PGM5: variants seen among roughly 807,000 people sequenced by gnomAD.
PGM5 encodes the protein phosphoglucomutase 5.
PGM5 carries 23 observed loss-of-function variants against 59.2 expected under a neutral mutation model. The observed-to-expected ratio is 0.39, with a 90% CI of 0.28 to 0.55. PGM5 has a LOEUF of 0.55. Among genes scored for constraint, PGM5 ranks in the 20% least tolerant of loss-of-function variants. The pLI, the probability that PGM5 is intolerant of heterozygous loss-of-function variation, is 0.66. For synonymous variants in PGM5, 214 were observed against 286.0 expected (o/e 0.75, Z 2.54); for missense variants, 574 against 748.3 (o/e 0.77, Z 2.72).
intron 1 of PGM5, among the ~76,000 whole-genome samples, chr9:68,375,160 G>C (rs139156719): frequency 9.9e-5 from 15 of 152,248 alleles, no homozygotes; most frequent in Non-Finnish European, 2.1e-4. Flanking sequence ...AAAATAAGCT[G>C]TCCAAGAGAG....
At chr9:68,479,310 C>A in intron 7 of PGM5, 108 bp from the exon 8 acceptor site, 1 of 944,022 alleles carries the variant, frequency 1.1e-6, no homozygotes. Context: ...GTAAATGATC[C>A]AATCATTTCT....
chr9:68,494,220 G>A (rs1824445880), intron 9 of PGM5, among the ~76,000 whole-genome samples: 2 of 151,602 alleles, frequency 1.3e-5, no homozygotes, highest in Admixed American at 6.6e-5. Flanking sequence ...CGAAGACTGT[G>A]CTAAAAAAAA....
chr9:68,490,973 T>A (rs1824380542), intron 9 of PGM5, among the ~76,000 whole-genome samples: 1 of 152,268 alleles, frequency 6.6e-6, no homozygotes, highest in African/African-American at 2.4e-5. Context: ...AAAATTGTGA[T>A]GTTGAAAAGA....
chr9:68,472,419 T>TTTGGGAGAATG (rs1183912480), intron 7 of PGM5, among the ~76,000 whole-genome samples: 1,747 of 147,442 alleles, frequency 0.012, 28 homozygotes, highest in African/African-American at 0.041. Flanking sequence ...AATGGTCTCA[T>TTTGGGAGAATG]GTAAACAGCA....
intron 10 of PGM5, among the ~76,000 whole-genome samples, chr9:68,521,433 G>C (rs914524934): frequency 6.6e-6 from 1 of 152,336 alleles, no homozygotes; most frequent in South Asian, 2.1e-4. Context: ...AGAATGGAGA[G>C]AGTCCTTTGA....
chr9:68,528,771 CAGA>C (rs1412895221), intron 10 of PGM5, among the ~76,000 whole-genome samples: 1 of 152,146 alleles, frequency 6.6e-6, no homozygotes, highest in African/African-American at 2.4e-5. Flanking sequence ...TTGATGAAAT[CAGA>C]AGGATTGAAG....
At chr9:68,518,970 C>T (rs1280782378) in intron 10 of PGM5, among the ~76,000 whole-genome samples, 3 of 152,232 alleles carry the variant, frequency 2.0e-5, no homozygotes, top group Non-Finnish European at 4.4e-5. Context: ...AATAAATTCA[C>T]ATCTAGACAC....
At chr9:68,373,464 C>T (rs1266635602) in intron 1 of PGM5, among the ~76,000 whole-genome samples, 1 of 152,148 alleles carries the variant, frequency 6.6e-6, no homozygotes. Flanking sequence ...ATGTATATTA[C>T]CTTTTCAAAA....
At chr9:68,486,281 A>G (rs543922728) in intron 9 of PGM5, among the ~76,000 whole-genome samples, 1 of 152,242 alleles carries the variant, frequency 6.6e-6, no homozygotes, top group Non-Finnish European at 1.5e-5. Flanking sequence ...ATTGATATAT[A>G]ATTCATATAC....
chr9:68,433,685 G>A (rs940616680), intron 6 of PGM5, among the ~76,000 whole-genome samples: 7 of 152,130 alleles, frequency 4.6e-5, no homozygotes, highest in African/African-American at 9.7e-5. Context: ...CCTGTTGGCC[G>A]ATGAACAGAT....
chr9:68,421,075 T>A (rs1243280204), intron 6 of PGM5, among the ~76,000 whole-genome samples: 4 of 152,252 alleles, frequency 2.6e-5, no homozygotes, highest in Non-Finnish European at 4.4e-5. Context: ...TGTGTGCATA[T>A]GCACACGTGG....
chr9:68,403,683 C>A (rs1248106245), intron 6 of PGM5, among the ~76,000 whole-genome samples: 1 of 152,082 alleles, frequency 6.6e-6, no homozygotes, highest in Non-Finnish European at 1.5e-5. Flanking sequence ...TTATCTGGCT[C>A]AAGCCTCATA....
At chr9:68,528,252 C>A (rs1825021017) in intron 10 of PGM5, among the ~76,000 whole-genome samples, 1 of 151,302 alleles carries the variant, frequency 6.6e-6, no homozygotes, top group Non-Finnish European at 1.5e-5. Context: ...TTTATTTTTT[C>A]TTTTTAGAGA....
At chr9:68,358,109 C>G (rs1471949613) in intron 1 of PGM5, among the ~76,000 whole-genome samples, 3 of 152,166 alleles carry the variant, frequency 2.0e-5, no homozygotes. Context: ...CCTGAGCTCG[C>G]AGTTCCCAGG....
At chr9:68,505,894 T>C (rs759065614) in intron 10 of PGM5, among the ~76,000 whole-genome samples, 79 of 152,296 alleles carry the variant, frequency 5.2e-4, no homozygotes, top group Non-Finnish European at 1.0e-3. Context: ...AACCACCTGT[T>C]TGGTTCCTCT....
chr9:68,435,705 T>A (rs963812568), intron 6 of PGM5, among the ~76,000 whole-genome samples: 14 of 152,250 alleles, frequency 9.2e-5, no homozygotes, highest in African/African-American at 3.1e-4. Flanking sequence ...TTTTTGTCTA[T>A]TATGAATAAT....
chr9:68,445,882 G>A lies in PGM5; in HGVS notation c.1044-19211G>A, dbSNP rs141800298. Among the ~76,000 whole-genome samples the A allele has an allele frequency of 2.5e-3, 375 of 152,332 alleles. 2 individuals carry two copies. The highest frequency in any genetic ancestry group is 8.6e-3 in the African/African-American group (357 of 41,568). ...CGTGTAGTTATTTGTGCTCTACCATGTATCTGGGGATCTCCAAGTGCCTTT... is the reference window on the plus strand; with the variant it reads ...CGTGTAGTTATTTGTGCTCTACCATATATCTGGGGATCTCCAAGTGCCTTT... On this transcript the variant is annotated intron_variant, in intron 6 of 10. Transcript: ENST00000396396.
At chr9:68,517,084 A>G (rs1433161153) in intron 10 of PGM5, among the ~76,000 whole-genome samples, 2 of 148,670 alleles carry the variant, frequency 1.3e-5, no homozygotes, top group Non-Finnish European at 3.0e-5. Flanking sequence ...GGGTTTCTCC[A>G]TATTGGTCAG....
chr9:68,511,351 A>AT (rs1475474032), intron 10 of PGM5, among the ~76,000 whole-genome samples: 1 of 152,108 alleles, frequency 6.6e-6, no homozygotes, highest in African/African-American at 2.4e-5. Context: ...AGGAGGATAT[A>AT]TTGAGGCATA....
Sources: gnomAD v4.1 joint callset for allele counts (sites outside exome capture counted in the v4.1 genomes callset) on GRCh38, gnomAD v4.1.1 for gene constraint, MANE v1.5 for transcripts, NCBI Gene and HGNC (gene_info 2026-07-23, HGNC 2026-07-21) for gene names.